The following TMEM132B variants were observed in gnomAD, a reference collection of about 807,000 sequenced individuals.
TMEM132B encodes transmembrane protein 132B.
TMEM132B carries 18 observed loss-of-function variants against 90.8 expected under a neutral mutation model. The ratio of observed to expected loss-of-function variants is 0.20; its 90% CI spans 0.14 to 0.29. The LOEUF (loss-of-function observed/expected upper bound fraction) is 0.29, where lower values mean the gene tolerates loss of function less well. Among genes scored for constraint, TMEM132B ranks in the 10% least tolerant of loss-of-function variants. The pLI is 1.00. For missense variants in TMEM132B, 1,096 were observed against 1,326.8 expected, an observed-to-expected ratio of 0.83 and a Z score of 2.70; for synonymous variants, 504 against 523.3, an observed-to-expected ratio of 0.96 and a Z score of 0.50.
At chr12:125,245,267 C>A (rs913520676) in intron 1 of TMEM132B, among the ~76,000 whole-genome samples, 1 of 147,410 alleles carries the variant, frequency 6.8e-6, no homozygotes, top group African/African-American at 2.5e-5. Flanking sequence ...GATGCCCCCC[C>A]AGGCAGCCCC....
chr12:125,584,077 A>G (rs367663450), intron 5 of TMEM132B, 83 bp downstream of exon 5: 3 of 1,596,030 alleles, frequency 1.9e-6, no homozygotes, highest in African/African-American at 1.3e-5. Context: ...TCTTGTTCTC[A>G]CTGAGCATCC....
At chr12:125,321,853 A>C (rs1042505330) in intron 1 of TMEM132B, among the ~76,000 whole-genome samples, 1 of 149,338 alleles carries the variant, frequency 6.7e-6, no homozygotes, top group African/African-American at 2.4e-5. Flanking sequence ...ATCTACTTTA[A>C]AAAAAAAAAG....
In TMEM132B at chr12:125,476,242, C is replaced by T. The variant is rs531530172; in HGVS notation, c.1107-43197C>T. 2.6e-5 allele frequency among the ~76,000 whole-genome samples: 4 copies of T among 152,312 alleles called. No individual in the cohort carries two copies. The East Asian group carries it at 5.8e-4, about 22-fold the overall frequency. ...GTGGCATTTAGTACATTTGCAGTGT[C>T]GTCCCTCCACCACCTCTATTGAGTT... On this transcript the variant is annotated intron_variant, in intron 3 of 8. Coordinates refer to ENST00000682704, the MANE Select transcript of TMEM132B (RefSeq NM_001366854.1).
chr12:125,324,591 CT>C (rs35848205), intron 1 of TMEM132B, among the ~76,000 whole-genome samples: 15,805 of 152,242 alleles, frequency 0.1, 1,107 homozygotes, highest in East Asian at 0.26. Flanking sequence ...TGCCTGAGCT[CT>C]GCCTCCTGTC....
At chr12:125,329,245 C>A (rs1251241387) in intron 1 of TMEM132B, among the ~76,000 whole-genome samples, 3 of 152,302 alleles carry the variant, frequency 2.0e-5, no homozygotes, top group Admixed American at 6.5e-5. Flanking sequence ...TCTGCTGGCG[C>A]CTTGATCTTG....
At chr12:125,554,427 T>TA (rs71447048) in intron 4 of TMEM132B, among the ~76,000 whole-genome samples, 1,137 of 69,462 alleles carry the variant, frequency 0.016, 21 homozygotes, top group Middle Eastern at 0.042. Context: ...TCCATTTCAT[T>TA]AAAAAAAAAA....
chr12:125,254,506 C>CA (rs111558122), intron 1 of TMEM132B, among the ~76,000 whole-genome samples: 8,331 of 152,006 alleles, frequency 0.055, 312 homozygotes, highest in African/African-American at 0.099. Context: ...GTCCATTAAC[C>CA]AAGAGAGCCA....
rs948810642 is a variant in TMEM132B at position 125,407,682 on chromosome 12, A to T, written c.960-7849A>T. On this transcript the variant is annotated intron_variant, in intron 2 of 8. Transcript: ENST00000682704. This position sits in a 1 kb window ranked among gnomAD's most constrained non-coding sequence, Gnocchi z 6.7. ...AGTCCTCCATCACAGACAAGGCCAAAGCTCAGGTCACTCTTGTCGCTCAGA... is the reference window on the plus strand; with the variant it reads ...AGTCCTCCATCACAGACAAGGCCAATGCTCAGGTCACTCTTGTCGCTCAGA... Among the ~76,000 whole-genome samples the T allele has an allele frequency of 6.6e-6, 1 of 152,218 alleles. No homozygotes were observed. The highest frequency in any genetic ancestry group is 2.4e-5 in the African/African-American group (1 of 41,454).
In TMEM132B at chr12:125,349,355, G is replaced by A. The variant is rs375989937; in HGVS notation, c.68-97G>A. ...ACCTGGGGGAGAAACAGTGGCCAGTGGGCGGTTTGTTGGGGAGGTGGGTGG... is the reference window on the plus strand; with the variant it reads ...ACCTGGGGGAGAAACAGTGGCCAGTAGGCGGTTTGTTGGGGAGGTGGGTGG... On this transcript the variant is annotated intron_variant, in intron 1 of 8. Transcript: ENST00000682704. The surrounding 1 kb of genome is among the most constrained non-coding windows in gnomAD (Gnocchi z 4.1). 1.6e-5 allele frequency: 21 copies of A among 1,353,880 alleles called. No homozygotes were observed. In the African/African-American group the frequency reaches 2.5e-4, roughly 16 times the overall value. 83.9% of individuals were successfully genotyped at this position (1,353,880 alleles called of 1,614,324 possible). A position where few individuals can be genotyped will look rare whatever the true frequency, so the allele number is the denominator to read the frequency against.
At chr12:125,385,588 AC>A (rs1002483869) in intron 2 of TMEM132B, among the ~76,000 whole-genome samples, 2 of 152,328 alleles carry the variant, frequency 1.3e-5, no homozygotes, top group African/African-American at 4.8e-5. Context: ...TTGGACAAAG[AC>A]CTTATGTAAC....
rs1315071004 is a variant in TMEM132B, at chr12:125,406,921, G to A, written c.960-8610G>A. On this transcript the variant is annotated intron_variant, in intron 2 of 8. Transcript: ENST00000682704. This position sits in a 1 kb window ranked among gnomAD's most constrained non-coding sequence, Gnocchi z 8.3. ...GAAGAGGTGCATAGAGTAGGATCCA[G>A]TAGAGGTCCAGGGCAAGCTCCCAGT... Among the ~76,000 whole-genome samples the A allele has an allele frequency of 6.6e-6, 1 of 152,238 alleles. No homozygotes were observed. The highest frequency in any genetic ancestry group is 6.5e-5 in the Admixed American group (1 of 15,294).
chr12:125,424,674 C>T lies in TMEM132B; in HGVS notation c.1106+8997C>T, dbSNP rs138196507. Among the ~76,000 whole-genome samples, 135 of 152,284 alleles carry T rather than the reference C, an allele frequency of 8.9e-4. 3 individuals carry two copies. In the East Asian group the frequency reaches 0.023, roughly 26 times the overall value. ...GCTGTGTCAAAATCCATCCATCAGC[C>T]TGAGCCCCTCAGTGGTTAGGGAGAA... is the stretch of plus-strand genomic sequence containing the variant. On this transcript the variant is annotated intron_variant, in intron 3 of 8. Transcript: ENST00000682704.
chr12:125,199,315 A>G (rs1037884335), intron 1 of TMEM132B, among the ~76,000 whole-genome samples: 4 of 152,126 alleles, frequency 2.6e-5, no homozygotes, highest in Non-Finnish European at 5.9e-5. Context: ...GGGGAGAGAG[A>G]GAGGGGGAGG....
chr12:125,251,637 G>A lies in TMEM132B; in HGVS notation c.67+64771G>A, dbSNP rs777948049. ...GCAACTGATACCCAGGCTCGGGGCT[G>A]CTGAGACAATAGGGAACGGTGTGGA... On this transcript the variant is annotated intron_variant, in intron 1 of 8. Coordinates refer to ENST00000682704, the MANE Select transcript of TMEM132B (RefSeq NM_001366854.1). This position sits in a 1 kb window ranked among gnomAD's most constrained non-coding sequence, Gnocchi z 4.4. Among the ~76,000 whole-genome samples the A allele has an allele frequency of 2.2e-4, 34 of 152,284 alleles. No homozygotes were observed. The highest frequency in any genetic ancestry group is 3.8e-4 in the Non-Finnish European group (26 of 68,022).
At chr12:125,312,953 G>A (rs527323000) in intron 1 of TMEM132B, among the ~76,000 whole-genome samples, 1 of 152,326 alleles carries the variant, frequency 6.6e-6, no homozygotes, top group Non-Finnish European at 1.5e-5. Context: ...AACTGGTGCT[G>A]GATGTGTCTA....
intron 1 of TMEM132B, among the ~76,000 whole-genome samples, chr12:125,217,898 G>A (rs769619766): frequency 3.9e-5 from 6 of 152,226 alleles, no homozygotes; most frequent in Non-Finnish European, 8.8e-5. Context: ...AATGACTGCA[G>A]CAGTTGTTCG....
At chr12:125,300,041 C>T (rs1181388224) in intron 1 of TMEM132B, among the ~76,000 whole-genome samples, 7 of 152,222 alleles carry the variant, frequency 4.6e-5, no homozygotes, top group East Asian at 1.9e-4. Context: ...CTGCGTGGGC[C>T]GCCACGGGGG....
chr12:125,282,497 C>T (rs967668049), intron 1 of TMEM132B, among the ~76,000 whole-genome samples: 1 of 152,232 alleles, frequency 6.6e-6, no homozygotes, highest in African/African-American at 2.4e-5. Context: ...ATGGCCTGCA[C>T]ACACATCTCA....
chr12:125,580,212 A>G (rs575059641), intron 4 of TMEM132B, among the ~76,000 whole-genome samples: 6 of 152,172 alleles, frequency 3.9e-5, no homozygotes, highest in Admixed American at 6.5e-5. Flanking sequence ...GATCTTATAG[A>G]TTCCCAGGAA....
Sources: allele counts gnomAD v4.1 joint callset (sites outside exome capture counted in the v4.1 genomes callset), GRCh38; gene constraint gnomAD v4.1.1; non-coding constraint Gnocchi (gnomAD v3.1); transcripts MANE v1.5; gene names NCBI Gene and HGNC (gene_info 2026-07-23, HGNC 2026-07-21).